The following TASP1 variants were observed in gnomAD, a reference collection of about 807,000 sequenced individuals.
TASP1 encodes the protein threonine aspartase 1.
TASP1 carries 16 observed loss-of-function variants against 56.6 expected under a neutral mutation model. That is an observed-to-expected ratio of 0.28 (90% CI 0.19 to 0.43). The LOEUF (loss-of-function observed/expected upper bound fraction) is 0.43. Among genes scored for constraint, TASP1 ranks in the 20% least tolerant of loss-of-function variants. The probability of loss-of-function intolerance (pLI) is 1.00; values close to 1 mark genes in which losing one functional copy is unlikely to be tolerated. For missense variants in TASP1, 393 were observed against 511.6 expected (o/e 0.77, Z 2.24); for synonymous variants, 179 against 184.2 (o/e 0.97, Z 0.23).
At chr20:13,404,416 T>C (rs1192833936) in intron 13 of TASP1, among the ~76,000 whole-genome samples, 1 of 152,178 alleles carries the variant, frequency 6.6e-6, no homozygotes, top group East Asian at 1.9e-4. Flanking sequence ...TACGCCAGCC[T>C]GGGCAACATA....
At chr20:13,395,981 G>A (rs190821429) in intron 13 of TASP1, among the ~76,000 whole-genome samples, 13 of 152,104 alleles carry the variant, frequency 8.5e-5, no homozygotes, top group Non-Finnish European at 1.8e-4. Flanking sequence ...TTACAGGCAT[G>A]AGCCACTGCG....
chr20:13,331,673 CTTTT>C, the TASP1 span, among the ~76,000 whole-genome samples: 3 of 131,426 alleles, frequency 2.3e-5, no homozygotes, highest in South Asian at 2.5e-4. Context: ...TTTTTTGTGG[CTTTT>C]TTTTTTTTTT....
the TASP1 span, among the ~76,000 whole-genome samples, chr20:13,205,213 T>G: frequency 6.6e-6 from 1 of 152,096 alleles, no homozygotes; most frequent in African/African-American, 2.4e-5. Flanking sequence ...TCCACTCCCC[T>G]CTCACTGTAG....
chr20:13,527,796 T>C (rs1199179190), intron 10 of TASP1, among the ~76,000 whole-genome samples: 1 of 152,226 alleles, frequency 6.6e-6, no homozygotes, highest in African/African-American at 2.4e-5. Flanking sequence ...CAAGAGATTA[T>C]CTGTTAATTT....
the TASP1 span, chr20:13,168,450 T>TG: frequency 2.0e-5 from 3 of 152,334 alleles, no homozygotes; most frequent in Non-Finnish European, 4.4e-5. Context: ...CCCAAAGTGC[T>TG]GGGATTACAG....
chr20:13,106,794 C>T, the TASP1 span, among the ~76,000 whole-genome samples: 2 of 152,170 alleles, frequency 1.3e-5, no homozygotes, highest in Non-Finnish European at 2.9e-5. Context: ...CTGTCACTAG[C>T]AGAAGCACAA....
At chr20:13,320,496 T>C in the TASP1 span, among the ~76,000 whole-genome samples, 1 of 152,166 alleles carries the variant, frequency 6.6e-6, no homozygotes, top group South Asian at 2.1e-4. Context: ...AGATATTAGG[T>C]GGCTTTAGAA....
the TASP1 span, among the ~76,000 whole-genome samples, chr20:13,129,943 A>G: frequency 2.6e-5 from 4 of 151,860 alleles, no homozygotes; most frequent in Non-Finnish European, 5.9e-5. Context: ...TTAAGAGAGA[A>G]AAAAAAAACA....
At chr20:13,202,756 G>A in the TASP1 span, among the ~76,000 whole-genome samples, 1 of 152,194 alleles carries the variant, frequency 6.6e-6, no homozygotes, top group African/African-American at 2.4e-5. Flanking sequence ...AGTGAGGTAC[G>A]GAAACAGCTG....
At chr20:13,213,275 C>T in the TASP1 span, among the ~76,000 whole-genome samples, 2 of 151,946 alleles carry the variant, frequency 1.3e-5, no homozygotes, top group South Asian at 2.1e-4. Context: ...TAATTATATT[C>T]CTTGTGCTTT....
At chr20:13,342,224 A>G in the TASP1 span, among the ~76,000 whole-genome samples, 1 of 152,174 alleles carries the variant, frequency 6.6e-6, no homozygotes, top group Non-Finnish European at 1.5e-5. Context: ...TTCTCCGCCC[A>G]AAAAGCCAGA....
At chr20:13,319,635 T>C in the TASP1 span, among the ~76,000 whole-genome samples, 1 of 152,170 alleles carries the variant, frequency 6.6e-6, no homozygotes, top group Non-Finnish European at 1.5e-5. Context: ...ACAAAAAGGA[T>C]TGGTTTCCAG....
At chr20:13,111,795 T>C in the TASP1 span, among the ~76,000 whole-genome samples, 2 of 152,166 alleles carry the variant, frequency 1.3e-5, no homozygotes, top group Admixed American at 6.5e-5. Flanking sequence ...TGCAAATAAA[T>C]AGAACTTGGC....
At chr20:13,318,873 G>T in the TASP1 span, among the ~76,000 whole-genome samples, 1 of 152,250 alleles carries the variant, frequency 6.6e-6, no homozygotes, top group Non-Finnish European at 1.5e-5. Flanking sequence ...GGGTTGAGAA[G>T]AGGAAGGGAT....
intron 11 of TASP1, among the ~76,000 whole-genome samples, chr20:13,475,119 C>A (rs1014299023): frequency 2.0e-5 from 3 of 152,138 alleles, no homozygotes; most frequent in Non-Finnish European, 4.4e-5. Context: ...CAAATCCTCC[C>A]TTCCAGAGAA....
chr20:13,431,026 T>C (rs1457532643), intron 12 of TASP1, among the ~76,000 whole-genome samples: 1 of 152,164 alleles, frequency 6.6e-6, no homozygotes, highest in African/African-American at 2.4e-5. Context: ...TTTACAATTT[T>C]GAGAAAAGAA....
intron 11 of TASP1, among the ~76,000 whole-genome samples, chr20:13,461,093 T>C (rs1428915036): frequency 6.6e-6 from 1 of 152,150 alleles, no homozygotes; most frequent in African/African-American, 2.4e-5. Context: ...CAGCCAACTC[T>C]AGACACATTG....
At chr20:13,315,290 T>C in the TASP1 span, among the ~76,000 whole-genome samples, 2 of 152,166 alleles carry the variant, frequency 1.3e-5, no homozygotes, top group African/African-American at 4.8e-5. Context: ...AACTATATGC[T>C]GTCTACAAGG....
At chr20:13,164,131 T>A in the TASP1 span, among the ~76,000 whole-genome samples, 3,414 of 152,208 alleles carry the variant, frequency 0.022, 60 homozygotes, top group South Asian at 0.033. Context: ...AATGACCTTT[T>A]TTTACTTCCT....
Sources: allele counts gnomAD v4.1 joint callset (sites outside exome capture counted in the v4.1 genomes callset), GRCh38; gene constraint gnomAD v4.1.1; transcripts MANE v1.5; gene names NCBI Gene and HGNC (gene_info 2026-07-23, HGNC 2026-07-21).